Variants in PTPRC observed in about 807,000 individuals in gnomAD.
PTPRC encodes protein tyrosine phosphatase receptor type C.
Under a neutral mutation model 155.9 loss-of-function variants are expected in PTPRC, and 44 were observed. The ratio of observed to expected loss-of-function variants is 0.28; its 90% confidence interval spans 0.22 to 0.36. The LOEUF is 0.36. Among genes scored for constraint, PTPRC ranks in the 10% least tolerant of loss-of-function variants. PTPRC has a pLI of 1.00. For missense variants in PTPRC, 1,401 were observed against 1,564.6 expected (o/e 0.90, Z 1.76); for synonymous variants, 525 against 533.1 (o/e 0.98, Z 0.21).
intron 10 of PTPRC, among the ~76,000 whole-genome samples, chr1:198,709,147 G>T (rs968642593): frequency 6.6e-6 from 1 of 152,156 alleles, no homozygotes; most frequent in African/African-American, 2.4e-5. Flanking sequence ...TATACAGATT[G>T]GGCATCCCTA....
intron 14 of PTPRC, among the ~76,000 whole-genome samples, chr1:198,719,791 A>G (rs1043135241): frequency 6.6e-6 from 1 of 151,936 alleles, no homozygotes; most frequent in African/African-American, 2.4e-5. Context: ...TTGTATTTTC[A>G]GTAGAGATAG....
chr1:198,709,909 G>A, intron 11 of PTPRC, 85 bp downstream of exon 11: 2 of 1,532,760 alleles, frequency 1.3e-6, no homozygotes, highest in South Asian at 2.4e-5. Context: ...GAAATGAATT[G>A]TCTTTTTGCT....
chr1:198,639,111 C>A lies in PTPRC; in HGVS notation c.-70C>A. On this transcript the variant is annotated 5_prime_UTR_variant, in exon 1 of 33. Transcript: ENST00000442510. ...TAGGGTAACAGAGGAGGAAATTGTT[C>A]CTCGTCTGATAAGACAACAGTGGAG... 1 of 665,162 alleles carries A rather than the reference C, an allele frequency of 1.5e-6. No homozygotes were observed. Among genetic ancestry groups the A allele is most frequent in the South Asian group, 1.6e-5 (1 of 60,614 alleles). 41.2% of individuals were successfully genotyped at this position (665,162 alleles called of 1,614,324 possible). A position where few individuals can be genotyped will look rare whatever the true frequency, so the allele number is the denominator to read the frequency against.
chr1:198,716,533 C>A, intron 12 of PTPRC, 149 bp from the exon 13 acceptor site: 1 of 663,416 alleles, frequency 1.5e-6, no homozygotes. Flanking sequence ...ATTGTAGGTA[C>A]TTTTGAGTAT....
chr1:198,682,650 C>A (rs12127956), intron 2 of PTPRC, among the ~76,000 whole-genome samples: 4 of 152,244 alleles, frequency 2.6e-5, no homozygotes, highest in Admixed American at 2.6e-4. Context: ...TCAGCAAAGG[C>A]TTTTGTATGT....
chr1:198,745,621 T>G (rs1317724450), intron 26 of PTPRC, among the ~76,000 whole-genome samples: 1 of 151,836 alleles, frequency 6.6e-6, no homozygotes, highest in African/African-American at 2.4e-5. Flanking sequence ...TTTATGATTA[T>G]AAGTTTAAAG....
intron 7 of PTPRC, among the ~76,000 whole-genome samples, chr1:198,704,253 G>A (rs1425780539): frequency 1.3e-5 from 2 of 151,696 alleles, no homozygotes; most frequent in Non-Finnish European, 2.9e-5. Context: ...GTATTTATTG[G>A]GTATATTTAT....
chr1:198,742,477 A>G (rs1245575113), intron 25 of PTPRC, 110 bp downstream of exon 25: 3 of 1,338,438 alleles, frequency 2.2e-6, no homozygotes, highest in East Asian at 2.4e-5. Flanking sequence ...ACAACCTCAA[A>G]CAGTAGATGA....
intron 3 of PTPRC, chr1:198,692,909 AGAT>A: frequency 1.1e-6 from 1 of 902,436 alleles, no homozygotes; most frequent in Non-Finnish European, 1.3e-6. Flanking sequence ...CTTAATCATG[AGAT>A]AAATTTAAAA....
At chr1:198,681,756 G>A (rs1357064046) in intron 2 of PTPRC, among the ~76,000 whole-genome samples, 1 of 152,158 alleles carries the variant, frequency 6.6e-6, no homozygotes, top group Non-Finnish European at 1.5e-5. Context: ...TCATTTGTGA[G>A]TGCTTTTCAA....
intron 27 of PTPRC, 91 bp downstream of exon 27, chr1:198,748,290 C>A (rs1401766407): frequency 2.7e-6 from 4 of 1,473,698 alleles, no homozygotes; most frequent in Non-Finnish European, 2.7e-6. Flanking sequence ...TATAAATTAT[C>A]TTGAAGCAAG....
intron 2 of PTPRC, among the ~76,000 whole-genome samples, chr1:198,677,722 T>C (rs2102316110): frequency 6.6e-6 from 1 of 152,288 alleles, no homozygotes; most frequent in East Asian, 1.9e-4. Context: ...ACTCACAAGC[T>C]GCTATCCATT....
chr1:198,719,781 T>C (rs1653792953), intron 14 of PTPRC, among the ~76,000 whole-genome samples: 1 of 152,080 alleles, frequency 6.6e-6, no homozygotes, highest in Non-Finnish European at 1.5e-5. Context: ...TGGCAAATTT[T>C]TGTATTTTCA....
In PTPRC at chr1:198,718,370, A is replaced by G. The variant is rs540736157; in HGVS notation, c.1659+68A>G. ...ATAATGATTGATTCATAGTACTTAA[A>G]TAACTTTAAGACCACTGCTCACATG... On this transcript the variant is annotated intron_variant, in intron 14 of 32. Coordinates refer to ENST00000442510, the MANE Select transcript of PTPRC (RefSeq NM_002838.5). 33 of 1,306,800 alleles carry G rather than the reference A, an allele frequency of 2.5e-5. No homozygotes were observed. Among genetic ancestry groups the G allele is most frequent in the East Asian group, 2.2e-4 (9 of 40,542 alleles). 81.0% of individuals were successfully genotyped at this position (1,306,800 alleles called of 1,614,324 possible).
intron 2 of PTPRC, among the ~76,000 whole-genome samples, chr1:198,670,822 T>G (rs951465308): frequency 2.0e-5 from 3 of 152,132 alleles, no homozygotes; most frequent in Non-Finnish European, 4.4e-5. Flanking sequence ...ATCCTCTGAT[T>G]CAGCCAACCA....
chr1:198,639,408 CAT>C (rs1662452477), intron 2 of PTPRC, 67 bp downstream of exon 2: 1 of 1,267,148 alleles, frequency 7.9e-7, no homozygotes, highest in Non-Finnish European at 1.1e-6. Flanking sequence ...TTGAAATAGA[CAT>C]AAAAATAATT....
chr1:198,755,465 A>AATC (rs1217546761), intron 32 of PTPRC, among the ~76,000 whole-genome samples: 1 of 147,084 alleles, frequency 6.8e-6, no homozygotes, highest in African/African-American at 2.6e-5. Context: ...GGTATTTACT[A>AATC]ATCAATGTAG....
chr1:198,743,339 C>T (rs1654999625), intron 25 of PTPRC, among the ~76,000 whole-genome samples: 1 of 151,578 alleles, frequency 6.6e-6, no homozygotes, highest in Non-Finnish European at 1.5e-5. Context: ...ATGTACAATG[C>T]TTGTGATTAC....
chr1:198,702,120 G>C (rs1456121383), intron 5 of PTPRC, among the ~76,000 whole-genome samples: 1 of 152,128 alleles, frequency 6.6e-6, no homozygotes, highest in Non-Finnish European at 1.5e-5. Context: ...AGGCTTCTTG[G>C]GCTGTCCAAA....
Sources: allele counts gnomAD v4.1 joint callset (sites outside exome capture counted in the v4.1 genomes callset), GRCh38; gene constraint gnomAD v4.1.1; transcripts MANE v1.5; gene names NCBI Gene and HGNC (gene_info 2026-07-23, HGNC 2026-07-21).